METAP2: variants seen among roughly 807,000 people sequenced by gnomAD.
The protein encoded by METAP2 is methionine aminopeptidase 2.
METAP2 carries 25 observed loss-of-function variants against 59.4 expected under a neutral mutation model. The ratio of observed to expected loss-of-function variants is 0.42; its 90% confidence interval spans 0.31 to 0.59. METAP2 has a LOEUF of 0.59. Among genes scored for constraint, METAP2 ranks in the 20% least tolerant of loss-of-function variants. The probability of loss-of-function intolerance (pLI) is 0.16; values close to 1 mark genes in which losing one functional copy is unlikely to be tolerated. For missense variants in METAP2, 366 were observed against 581.2 expected (o/e 0.63, Z 3.81); for synonymous variants, 214 against 194.1 (o/e 1.10, Z -0.85).
At chr12:95,489,342 T>A (rs1438406024) in intron 4 of METAP2, among the ~76,000 whole-genome samples, 4 of 152,236 alleles carry the variant, frequency 2.6e-5, no homozygotes, top group Non-Finnish European at 5.9e-5. Context: ...CTTCTGTTTT[T>A]GAAATAATAG....
chr12:95,474,730 C>A (rs2076105128), intron 1 of METAP2, among the ~76,000 whole-genome samples: 1 of 152,176 alleles, frequency 6.6e-6, no homozygotes, highest in African/African-American at 2.4e-5. Flanking sequence ...CGCGTCTTTG[C>A]TGGTTTGCTG....
chr12:95,492,767 AG>A (rs1170110017), intron 4 of METAP2, among the ~76,000 whole-genome samples: 1 of 152,018 alleles, frequency 6.6e-6, no homozygotes, highest in Non-Finnish European at 1.5e-5. Flanking sequence ...AGACAGAGTC[AG>A]GTTGGTCTTG....
chr12:95,511,089 G>A (rs2769430), intron 8 of METAP2, among the ~76,000 whole-genome samples: 12,068 of 152,148 alleles, frequency 0.079, 664 homozygotes, highest in Non-Finnish European at 0.12. Context: ...ACAGTGGGAT[G>A]TTTAGATTTT....
chr12:95,505,486 G>T (rs1292669479), intron 8 of METAP2, among the ~76,000 whole-genome samples: 1 of 151,564 alleles, frequency 6.6e-6, no homozygotes, highest in Non-Finnish European at 1.5e-5. Context: ...CACCACGCCC[G>T]GCCAAATTTT....
At chr12:95,498,599 A>AT (rs1181963935) in intron 7 of METAP2, among the ~76,000 whole-genome samples, 1 of 152,070 alleles carries the variant, frequency 6.6e-6, no homozygotes, top group African/African-American at 2.4e-5. Flanking sequence ...TTTTGAGTTA[A>AT]TTTTTTATAT....
intron 7 of METAP2, among the ~76,000 whole-genome samples, chr12:95,497,239 A>T (rs1252085424): frequency 6.6e-6 from 1 of 152,202 alleles, no homozygotes; most frequent in African/African-American, 2.4e-5. Flanking sequence ...TATACTCATT[A>T]AACAGTAACT....
intron 2 of METAP2, among the ~76,000 whole-genome samples, chr12:95,482,429 A>G (rs1213676458): frequency 2.6e-5 from 4 of 152,062 alleles, no homozygotes; most frequent in East Asian, 1.9e-4. Context: ...TTGTACTTCT[A>G]CTGTTCTCTT....
At chr12:95,493,979 GTTAC>G in intron 4 of METAP2, 73 bp from the exon 5 acceptor site, 1 of 1,232,828 alleles carries the variant, frequency 8.1e-7, no homozygotes, top group Non-Finnish European at 1.2e-6. Context: ...GAACTGTCTT[GTTAC>G]TTAGTATAGT....
chr12:95,474,155 A>G lies in METAP2; in HGVS notation c.-25A>G. 2 of 1,612,114 alleles carry G rather than the reference A, an allele frequency of 1.2e-6. No individual in the cohort carries two copies. The highest frequency in any genetic ancestry group is 1.7e-6 in the Non-Finnish European group (2 of 1,179,208). Reference sequence around the variant, plus strand: ...ATCGGGGCCCTCGCCGCTCTGTCTCATTCCCTCGCGCTCTCTCGGGCAACA... The same window carrying G: ...ATCGGGGCCCTCGCCGCTCTGTCTCGTTCCCTCGCGCTCTCTCGGGCAACA... On this transcript the variant is annotated 5_prime_UTR_variant, in exon 1 of 11. Transcript: ENST00000323666.
At chr12:95,504,210 A>G (rs2076339052) in intron 8 of METAP2, 49 bp downstream of exon 8, 7 of 1,305,010 alleles carry the variant, frequency 5.4e-6, no homozygotes, top group Admixed American at 1.9e-5. Context: ...TTTACAAACT[A>G]TTGTCGAGTG....
intron 8 of METAP2, among the ~76,000 whole-genome samples, chr12:95,510,656 T>C (rs918414027): frequency 2.0e-5 from 3 of 152,184 alleles, no homozygotes; most frequent in Admixed American, 6.5e-5. Flanking sequence ...ATAGCAGCAA[T>C]ACACTGCTTT....
At chr12:95,495,893 G>A (rs1266687121) in intron 6 of METAP2, 111 bp from the exon 7 acceptor site, 1 of 670,106 alleles carries the variant, frequency 1.5e-6, no homozygotes, top group South Asian at 1.9e-5. Context: ...CTTCATTTGA[G>A]CCTTCATTCT....
chr12:95,505,539 G>GC (rs2076352163), intron 8 of METAP2, among the ~76,000 whole-genome samples: 1 of 152,040 alleles, frequency 6.6e-6, no homozygotes, highest in Non-Finnish European at 1.5e-5. Context: ...AGGCTGGAGT[G>GC]CAGTGGCACG....
intron 8 of METAP2, among the ~76,000 whole-genome samples, chr12:95,509,046 C>T (rs557612292): frequency 6.6e-6 from 1 of 152,144 alleles, no homozygotes; most frequent in Non-Finnish European, 1.5e-5. Context: ...GTATCTTAAT[C>T]TCCTTTGATC....
intron 7 of METAP2, among the ~76,000 whole-genome samples, chr12:95,502,580 T>G (rs2076324747): frequency 6.6e-6 from 1 of 152,104 alleles, no homozygotes; most frequent in South Asian, 2.1e-4. Context: ...GTTCATCTTT[T>G]TTTGAGTTCT....
chr12:95,499,107 T>G (rs922853810), intron 7 of METAP2, among the ~76,000 whole-genome samples: 3 of 152,166 alleles, frequency 2.0e-5, no homozygotes, highest in Non-Finnish European at 4.4e-5. Flanking sequence ...TCTGTCTTTA[T>G]GTCAATACCA....
At chr12:95,486,698 T>C (rs866414933) in intron 4 of METAP2, among the ~76,000 whole-genome samples, 2 of 152,134 alleles carry the variant, frequency 1.3e-5, no homozygotes, top group Admixed American at 6.5e-5. Context: ...GGTTCCTCCA[T>C]GTGGATCAGG....
chr12:95,484,000 A>G (rs907992020), intron 3 of METAP2, among the ~76,000 whole-genome samples: 2 of 152,134 alleles, frequency 1.3e-5, no homozygotes, highest in Non-Finnish European at 2.9e-5. Context: ...AAGTGCCACA[A>G]CCAAACATCA....
chr12:95,478,216 G>A (rs2076134888), intron 2 of METAP2, among the ~76,000 whole-genome samples: 1 of 152,202 alleles, frequency 6.6e-6, no homozygotes. Flanking sequence ...AATCTTCAAT[G>A]TATTAAAGAA....
Sources: gnomAD v4.1 joint callset for allele counts (sites outside exome capture counted in the v4.1 genomes callset) on GRCh38, gnomAD v4.1.1 for gene constraint, MANE v1.5 for transcripts, NCBI Gene and HGNC (gene_info 2026-07-23, HGNC 2026-07-21) for gene names.